PTPRD: variants seen among roughly 807,000 people sequenced by gnomAD.
PTPRD encodes receptor-type tyrosine-protein phosphatase delta.
Under a neutral mutation model 214.5 loss-of-function variants are expected in PTPRD, and 34 were observed. The observed-to-expected ratio is 0.16, with a 90% CI of 0.12 to 0.21. PTPRD has a LOEUF of 0.21. Ranked by LOEUF, PTPRD falls within the 10% of genes least tolerant of loss-of-function variation. PTPRD has a pLI of 1.00. For missense variants in PTPRD, 2,545 were observed against 2,398.7 expected (o/e 1.06, Z -1.27); for synonymous variants, 1,128 against 845.7 (o/e 1.33, Z -5.79).
intron 3 of PTPRD, among the ~76,000 whole-genome samples, chr9:10,305,352 G>C (rs375932637): frequency 8.5e-6 from 1 of 116,968 alleles, no homozygotes; most frequent in African/African-American, 3.3e-5. Flanking sequence ...CATGGGCAAA[G>C]ACTTCATGAC....
intron 6 of PTPRD, among the ~76,000 whole-genome samples, chr9:9,753,775 T>A (rs2098544059): frequency 6.6e-6 from 1 of 151,982 alleles, no homozygotes; most frequent in Admixed American, 6.6e-5. Context: ...AATTCAGAGG[T>A]CACCATTTAT....
chr9:9,793,622 T>C (rs7856106), intron 5 of PTPRD, among the ~76,000 whole-genome samples: 6,550 of 152,122 alleles, frequency 0.043, 476 homozygotes, highest in African/African-American at 0.15. Flanking sequence ...CTATTATATA[T>C]ATCCTAAACG....
At chr9:8,997,624 C>T in intron 11 of PTPRD, among the ~76,000 whole-genome samples, 1 of 152,116 alleles carries the variant, frequency 6.6e-6, no homozygotes, top group East Asian at 1.9e-4. Flanking sequence ...TGAAATTATG[C>T]CCATTAATAA....
intron 14 of PTPRD, among the ~76,000 whole-genome samples, chr9:8,581,786 G>T (rs903997571): frequency 6.9e-6 from 1 of 145,030 alleles, no homozygotes; most frequent in Non-Finnish European, 1.5e-5. Context: ...AAGGGAAGGG[G>T]AGGGGAGGAG....
At chr9:9,132,202 G>A (rs1489920546) in intron 10 of PTPRD, among the ~76,000 whole-genome samples, 1 of 152,004 alleles carries the variant, frequency 6.6e-6, no homozygotes, top group Admixed American at 6.6e-5. Context: ...GTAGAGAGGG[G>A]GTTTCACCGT....
At chr9:10,546,603 T>C (rs77401103) in intron 2 of PTPRD, among the ~76,000 whole-genome samples, 9,965 of 152,042 alleles carry the variant, frequency 0.066, 350 homozygotes, top group South Asian at 0.096. Flanking sequence ...ATTGACACAA[T>C]TTCCTGGGTC....
At chr9:9,559,648 G>A (rs1165883254) in intron 8 of PTPRD, among the ~76,000 whole-genome samples, 1 of 152,180 alleles carries the variant, frequency 6.6e-6, no homozygotes, top group East Asian at 1.9e-4. Context: ...ATATAGTGGA[G>A]CTATGCACAT....
In PTPRD at chr9:8,587,506, T is replaced by G. The variant is rs528203217; in HGVS notation, c.352+45811A>C. 3.9e-4 allele frequency among the ~76,000 whole-genome samples: 59 copies of G among 152,206 alleles called. 2 individuals are homozygous for G. Among genetic ancestry groups the G allele is most frequent in the Admixed American group, 2.9e-3 (44 of 15,274 alleles). ...ACAAACTTGTAGAATTCGAAAATAT[T>G]TAATCAAAATGTTTTGAGTAAAATG... On this transcript the variant is annotated intron_variant, in intron 14 of 45. Coordinates refer to ENST00000381196, the MANE Select transcript of PTPRD (RefSeq NM_002839.4).
chr9:10,569,636 T>C (rs2066812169), intron 2 of PTPRD, among the ~76,000 whole-genome samples: 1 of 152,108 alleles, frequency 6.6e-6, no homozygotes, highest in Non-Finnish European at 1.5e-5. Context: ...TTCATAGCTA[T>C]GTAATTCATT....
intron 9 of PTPRD, among the ~76,000 whole-genome samples, chr9:9,341,881 TCA>T (rs2046943433): frequency 6.6e-6 from 1 of 152,160 alleles, no homozygotes; most frequent in East Asian, 1.9e-4. Context: ...CAATCTCGAC[TCA>T]CAGCAACTTC....
chr9:8,821,943 G>A (rs1012207370), intron 11 of PTPRD, among the ~76,000 whole-genome samples: 3 of 152,176 alleles, frequency 2.0e-5, no homozygotes, highest in Non-Finnish European at 1.5e-5. Flanking sequence ...GATTACAGGC[G>A]TGAGCCACCC....
At chr9:9,899,241 A>G (rs1415559499) in intron 5 of PTPRD, among the ~76,000 whole-genome samples, 1 of 152,078 alleles carries the variant, frequency 6.6e-6, no homozygotes, top group Non-Finnish European at 1.5e-5. Context: ...TCATAGATCT[A>G]AATAATGGAG....
intron 11 of PTPRD, among the ~76,000 whole-genome samples, chr9:9,015,894 TTTG>T (rs2099532899): frequency 6.6e-6 from 1 of 152,068 alleles, no homozygotes; most frequent in Non-Finnish European, 1.5e-5. Flanking sequence ...GGGCACAAAC[TTTG>T]TTGTTGTTAT....
chr9:9,367,508 T>C (rs544756181), intron 9 of PTPRD, among the ~76,000 whole-genome samples: 1 of 151,816 alleles, frequency 6.6e-6, no homozygotes, highest in South Asian at 2.1e-4. Context: ...ATAAATTTGA[T>C]AACAACTTTG....
At position 9,211,636 on chromosome 9, in the gene PTPRD, C is replaced by G. The variant is rs141338314; in HGVS notation, c.-202-28273G>C. Among the ~76,000 whole-genome samples, 720 of 151,628 alleles carry G rather than the reference C, an allele frequency of 4.7e-3. 3 individuals are homozygous for G. The highest frequency in any genetic ancestry group is 6.3e-3 in the South Asian group (30 of 4,794). ...TAAGCTACAAAATATTTGACATATA[C>G]CAAAGAGCCTTAATAATTAGATTCT... On this transcript the variant is annotated intron_variant, in intron 9 of 45. Transcript: ENST00000381196.
intron 12 of PTPRD, among the ~76,000 whole-genome samples, chr9:8,638,639 AATTACCACCTC>A (rs2096500691): frequency 6.6e-6 from 1 of 152,126 alleles, no homozygotes. Flanking sequence ...CTGGAGAATG[AATTACCACCTC>A]ATCAGCAAAT....
chr9:10,074,734 A>G (rs940322420), intron 3 of PTPRD, among the ~76,000 whole-genome samples: 2 of 152,026 alleles, frequency 1.3e-5, no homozygotes, highest in East Asian at 1.9e-4. Context: ...CATGTTGTGC[A>G]TTCAGCTTAT....
intron 5 of PTPRD, among the ~76,000 whole-genome samples, chr9:9,798,253 G>C (rs1219337747): frequency 1.3e-5 from 2 of 152,112 alleles, no homozygotes; most frequent in East Asian, 1.9e-4. Flanking sequence ...TGTAATAAAA[G>C]AGGTCAACAA....
rs150405346 is a variant in PTPRD at position 8,393,150 on chromosome 9, C to G, written c.4211-3743G>C. Among the ~76,000 whole-genome samples, 13 of 152,204 alleles carry G rather than the reference C, an allele frequency of 8.5e-5. No individual in the cohort carries two copies. In the East Asian group the frequency reaches 2.5e-3, roughly 29 times the overall value. On this transcript the variant is annotated intron_variant, in intron 36 of 45. Coordinates refer to ENST00000381196, the MANE Select transcript of PTPRD (RefSeq NM_002839.4). ...TCCACTTTTTGGGGGGTGACTTTCTCTAAGTAGTGCATATTTATTTAATTT... is the reference window on the plus strand; with the variant it reads ...TCCACTTTTTGGGGGGTGACTTTCTGTAAGTAGTGCATATTTATTTAATTT...
Sources: gnomAD v4.1 joint callset for allele counts (sites outside exome capture counted in the v4.1 genomes callset) on GRCh38, gnomAD v4.1.1 for gene constraint, MANE v1.5 for transcripts, NCBI Gene and HGNC (gene_info 2026-07-23, HGNC 2026-07-21) for gene names.